Variants in RGS6 observed in about 807,000 individuals in gnomAD.
The protein encoded by RGS6 is regulator of G protein signaling 6.
In RGS6, 30 loss-of-function variants were observed where a neutral mutation model predicts 78.5. The observed-to-expected ratio is 0.38, with a 90% CI of 0.29 to 0.52. The LOEUF (loss-of-function observed/expected upper bound fraction) is 0.52, where lower values mean the gene tolerates loss of function less well. Ranked by LOEUF, RGS6 falls within the 20% of genes least tolerant of loss-of-function variation. The probability of loss-of-function intolerance (pLI) is 0.85; values close to 1 mark genes in which losing one functional copy is unlikely to be tolerated. For synonymous variants in RGS6, 206 were observed against 206.0 expected (o/e 1.00, Z 0.00); for missense variants, 495 against 609.7 (o/e 0.81, Z 1.98).
At chr14:71,909,724 C>A in the RGS6 span, among the ~76,000 whole-genome samples, 3 of 151,932 alleles carry the variant, frequency 2.0e-5, no homozygotes, top group Non-Finnish European at 4.4e-5. Context: ...AGCTGCACTC[C>A]GAAAGCTCAC....
chr14:72,315,532 C>T (rs1234732489), intron 2 of RGS6, among the ~76,000 whole-genome samples: 1 of 152,190 alleles, frequency 6.6e-6, no homozygotes, highest in East Asian at 1.9e-4. Flanking sequence ...CAAAATAAAT[C>T]CCCCTGCATT....
intron 2 of RGS6, among the ~76,000 whole-genome samples, chr14:72,025,083 T>C (rs1173412658): frequency 6.6e-6 from 1 of 152,164 alleles, no homozygotes; most frequent in African/African-American, 2.4e-5. Flanking sequence ...TGTTTCTGTA[T>C]ATAAAGACAG....
Position 72,536,184 on chromosome 14 carries a change from A to T in RGS6, c.1279-2A>T. 1 of 1,612,358 alleles carries T rather than the reference A, an allele frequency of 6.2e-7. No individual in the cohort carries two copies. The highest frequency in any genetic ancestry group is 8.5e-7 in the Non-Finnish European group (1 of 1,178,614). ...GTGTCTCCTTGTCACCTTCCTCCCCAGGAGCACATCTACAAGCTGATGAAG... is the reference window on the plus strand; with the variant it reads ...GTGTCTCCTTGTCACCTTCCTCCCCTGGAGCACATCTACAAGCTGATGAAG... On this transcript the variant is annotated splice_acceptor_variant, in intron 15 of 17. Coordinates refer to ENST00000553525, the MANE Select transcript of RGS6 (RefSeq NM_001204424.2). LOFTEE classifies it high-confidence loss of function.
intron 2 of RGS6, among the ~76,000 whole-genome samples, chr14:72,109,196 G>T (rs1471617238): frequency 1.3e-5 from 2 of 151,446 alleles, no homozygotes; most frequent in South Asian, 4.2e-4. Context: ...CTCCAGTGTG[G>T]TACCTTGTTT....
At chr14:72,604,401 GCCTTCT>G in the RGS6 span, among the ~76,000 whole-genome samples, 1 of 152,128 alleles carries the variant, frequency 6.6e-6, no homozygotes, top group African/African-American at 2.4e-5. Flanking sequence ...CCTCATGAAG[GCCTTCT>G]ACAGATGATC....
At chr14:72,412,139 A>G (rs2093465742) in intron 3 of RGS6, among the ~76,000 whole-genome samples, 1 of 152,216 alleles carries the variant, frequency 6.6e-6, no homozygotes, top group African/African-American at 2.4e-5. Flanking sequence ...TTCAGAAGGA[A>G]TGGTACCAGC....
chr14:72,507,264 A>G (rs111598580), intron 13 of RGS6, among the ~76,000 whole-genome samples: 3 of 152,204 alleles, frequency 2.0e-5, no homozygotes, highest in Non-Finnish European at 4.4e-5. Context: ...GCAGTGATGC[A>G]TCTGCAAGCT....
intron 2 of RGS6, among the ~76,000 whole-genome samples, chr14:72,119,113 T>C (rs946117665): frequency 6.6e-5 from 10 of 152,034 alleles, no homozygotes; most frequent in Non-Finnish European, 1.3e-4. Context: ...TGAGATTGAA[T>C]TGGGGGAGGT....
rs539756605 is a variant in RGS6, at chr14:72,338,187, G to T, written c.85-13908G>T. Among the ~76,000 whole-genome samples, 167 of 152,228 alleles carry T rather than the reference G, an allele frequency of 1.1e-3. 1 individual carries two copies. The highest frequency in any genetic ancestry group is 2.0e-3 in the Non-Finnish European group (139 of 68,030). On this transcript the variant is annotated intron_variant, in intron 2 of 17. Transcript: ENST00000553525. The stretch of plus-strand genomic sequence containing the variant: ...GATAAAGATAAGGCTGCTCTGAGAA[G>T]CTGTATTAGTTTTCACAATGCTGAT...
chr14:72,210,801 T>A (rs868246217), intron 2 of RGS6, among the ~76,000 whole-genome samples: 3 of 152,338 alleles, frequency 2.0e-5, no homozygotes, highest in Middle Eastern at 3.4e-3. Context: ...CCTGTTTTTT[T>A]CTACCAGTTT....
rs188521395 is a variant in RGS6, at chr14:72,036,035, C to T, written c.84+71160C>T. Reference sequence around the variant, plus strand: ...TGTAGTCAATATCCCTAGTCCCACCCGTAACACTAACCTTTAGCAAGCACT... The same window carrying T: ...TGTAGTCAATATCCCTAGTCCCACCTGTAACACTAACCTTTAGCAAGCACT... On this transcript the variant is annotated intron_variant, in intron 2 of 17. Coordinates refer to ENST00000553525, the MANE Select transcript of RGS6 (RefSeq NM_001204424.2). Among the ~76,000 whole-genome samples, 20 of 152,030 alleles carry T rather than the reference C, an allele frequency of 1.3e-4. No homozygotes were observed. The South Asian group carries it at 2.1e-3, about 16-fold the overall frequency.
In RGS6 at chr14:72,017,785, CTTTTA is replaced by C. The variant is rs1180656855; in HGVS notation, c.84+52916_84+52920del. The stretch of plus-strand genomic sequence containing the variant: ...GAAAATGTCTTTTTTTTTTCTTCAA[CTTTTA>C]TTTTAAGTTCCAGGGTACATGTGCA... On this transcript the variant is annotated intron_variant, in intron 2 of 17. Transcript: ENST00000553525. Among the ~76,000 whole-genome samples the C allele has an allele frequency of 3.3e-5, 5 of 150,976 alleles. No individual in the cohort carries two copies. The East Asian group carries it at 5.8e-4, about 18-fold the overall frequency.
intron 2 of RGS6, among the ~76,000 whole-genome samples, chr14:72,024,315 T>C (rs1044595114): frequency 3.3e-5 from 5 of 152,212 alleles, no homozygotes; most frequent in African/African-American, 1.2e-4. Flanking sequence ...TAACGTTGAA[T>C]GTGCACACAG....
chr14:72,341,901 G>T (rs1396257131), intron 2 of RGS6, among the ~76,000 whole-genome samples: 1 of 133,590 alleles, frequency 7.5e-6, no homozygotes, highest in Non-Finnish European at 1.6e-5. Flanking sequence ...GGGAGGACAA[G>T]GCCTTATGTT....
At chr14:71,882,337 G>A in the RGS6 span, among the ~76,000 whole-genome samples, 1 of 152,130 alleles carries the variant, frequency 6.6e-6, no homozygotes, top group African/African-American at 2.4e-5. Context: ...TATCGCATTT[G>A]GTTTATCCAT....
At chr14:72,293,430 C>A (rs927938917) in intron 2 of RGS6, among the ~76,000 whole-genome samples, 4 of 152,124 alleles carry the variant, frequency 2.6e-5, no homozygotes, top group Admixed American at 1.3e-4. Context: ...TTGAAAAGTT[C>A]TTCGGATGGG....
intron 1 of RGS6, among the ~76,000 whole-genome samples, chr14:71,934,304 TA>T (rs998256392): frequency 2.0e-5 from 3 of 152,226 alleles, no homozygotes; most frequent in Non-Finnish European, 4.4e-5. Context: ...TATATATATG[TA>T]GAGAGAGTCT....
At chr14:72,162,609 C>A (rs796479365) in intron 2 of RGS6, among the ~76,000 whole-genome samples, 30 of 152,274 alleles carry the variant, frequency 2.0e-4, no homozygotes, top group African/African-American at 6.7e-4. Flanking sequence ...TAACCTCTAT[C>A]TGCCACACTT....
intron 1 of RGS6, among the ~76,000 whole-genome samples, chr14:71,959,794 G>T (rs755208412): frequency 6.6e-6 from 1 of 152,124 alleles, no homozygotes; most frequent in Admixed American, 6.6e-5. Flanking sequence ...GGTCAGTTTC[G>T]ATATTCATTC....
Sources: gnomAD v4.1 joint callset for allele counts (sites outside exome capture counted in the v4.1 genomes callset) on GRCh38, gnomAD v4.1.1 for gene constraint, MANE v1.5 for transcripts, NCBI Gene and HGNC (gene_info 2026-07-23, HGNC 2026-07-21) for gene names.